The following PEAK1 variants were observed in gnomAD, a reference collection of about 807,000 sequenced individuals.
PEAK1 encodes the protein inactive tyrosine-protein kinase PEAK1.
In PEAK1, 54 loss-of-function variants were observed where a neutral mutation model predicts 124.7. That is an observed-to-expected ratio of 0.43 (90% CI 0.35 to 0.54). The LOEUF is 0.54. Ranked by LOEUF, PEAK1 falls within the 20% of genes least tolerant of loss-of-function variation. The pLI is 0.01. For missense variants in PEAK1, 2,046 were observed against 2,134.5 expected (o/e 0.96, Z 0.82); for synonymous variants, 719 against 760.0 (o/e 0.95, Z 0.89).
chr15:77,271,468 G>T (rs1242657575), intron 5 of PEAK1, among the ~76,000 whole-genome samples: 1 of 152,108 alleles, frequency 6.6e-6, no homozygotes, highest in African/African-American at 2.4e-5. Context: ...CTGCTATAAA[G>T]ACACATGCAT....
In PEAK1 at chr15:77,114,050, T is replaced by C; in HGVS notation, c.*106A>G. On this transcript the variant is annotated 3_prime_UTR_variant, in exon 10 of 10. Coordinates refer to ENST00000682557, the MANE Select transcript of PEAK1 (RefSeq NM_001385026.1). Reference sequence around the variant, plus strand: ...ACTTGTTCACGGACAGGGATAGAGGTTTGCCTTTCTTCTTTCCTTGAATTT... The same window carrying C: ...ACTTGTTCACGGACAGGGATAGAGGCTTGCCTTTCTTCTTTCCTTGAATTT... 8.2e-7 allele frequency: 1 copy of C among 1,224,124 alleles called. No homozygotes were observed. The highest frequency in any genetic ancestry group is 1.2e-6 in the Non-Finnish European group (1 of 854,798). 75.8% of individuals were successfully genotyped at this position (1,224,124 alleles called of 1,614,324 possible).
chr15:77,223,468 A>G (rs1437927813), intron 6 of PEAK1, among the ~76,000 whole-genome samples: 1 of 152,078 alleles, frequency 6.6e-6, no homozygotes, highest in Non-Finnish European at 1.5e-5. Context: ...GGTTTTCCAC[A>G]TGATTTAACT....
intron 2 of PEAK1, chr15:77,350,987 T>C (rs2067174011): frequency 1.0e-6 from 1 of 960,758 alleles, no homozygotes; most frequent in South Asian, 4.8e-5. Flanking sequence ...TATTAAGCAC[T>C]ATTGTGTACT....
Position 77,120,360 on chromosome 15 carries a change from C to G in PEAK1, c.4078-5041G>C, listed in dbSNP as rs183864536. Reference sequence around the variant, plus strand: ...GATTTCTTCCCATATATGTCCTAACCCATAGATTACTTAAACTCAACATAA... The same window carrying G: ...GATTTCTTCCCATATATGTCCTAACGCATAGATTACTTAAACTCAACATAA... On this transcript the variant is annotated intron_variant, in intron 9 of 9. Coordinates refer to ENST00000682557, the MANE Select transcript of PEAK1 (RefSeq NM_001385026.1). Among the ~76,000 whole-genome samples, 99 of 152,232 alleles carry G rather than the reference C, an allele frequency of 6.5e-4. 1 individual carries two copies. The highest frequency in any genetic ancestry group is 2.3e-3 in the African/African-American group (96 of 41,556).
intron 2 of PEAK1, among the ~76,000 whole-genome samples, chr15:77,299,074 A>C (rs948584549): frequency 6.6e-6 from 1 of 152,132 alleles, no homozygotes. Flanking sequence ...ATAACTACCA[A>C]ATCTCACCCA....
At chr15:77,342,333 G>C (rs1287209036) in intron 2 of PEAK1, among the ~76,000 whole-genome samples, 2 of 151,122 alleles carry the variant, frequency 1.3e-5, no homozygotes, top group Non-Finnish European at 2.9e-5. Flanking sequence ...TTCAGCCCCT[G>C]GTATTCTACT....
chr15:77,355,629 A>G (rs1378651303), intron 2 of PEAK1: 1 of 360,634 alleles, frequency 2.8e-6, no homozygotes, highest in African/African-American at 2.2e-5. Context: ...GCCAGCTCAC[A>G]CCTCTATATG....
chr15:77,178,004 C>T (rs759270967), intron 7 of PEAK1: 2 of 152,010 alleles, frequency 1.3e-5, no homozygotes, highest in Non-Finnish European at 2.9e-5. Context: ...CTTAACTTCC[C>T]GGGTTTTCAG....
At chr15:77,266,419 C>T (rs2061735747) in intron 5 of PEAK1, among the ~76,000 whole-genome samples, 1 of 152,124 alleles carries the variant, frequency 6.6e-6, no homozygotes, top group Admixed American at 6.6e-5. Flanking sequence ...CCAAGTGTCA[C>T]TGGAGGATGA....
At chr15:77,359,590 CAAAT>C (rs1216500481) in intron 2 of PEAK1, among the ~76,000 whole-genome samples, 4 of 151,986 alleles carry the variant, frequency 2.6e-5, no homozygotes, top group Non-Finnish European at 1.5e-5. Context: ...TTACAATTAA[CAAAT>C]AAGTTCAGCA....
intron 8 of PEAK1, among the ~76,000 whole-genome samples, chr15:77,145,774 A>G (rs945964342): frequency 5.3e-5 from 8 of 152,200 alleles, no homozygotes; most frequent in African/African-American, 1.9e-4. Context: ...AAAGGCTTTC[A>G]TTAAACCTTT....
chr15:77,296,786 A>G (rs1055166255), intron 2 of PEAK1, among the ~76,000 whole-genome samples: 8 of 151,744 alleles, frequency 5.3e-5, no homozygotes, highest in Admixed American at 4.6e-4. Flanking sequence ...TCATGTTTAA[A>G]GAGGCCCATA....
At chr15:77,191,636 T>C (rs1446966441) in intron 6 of PEAK1, among the ~76,000 whole-genome samples, 1 of 152,232 alleles carries the variant, frequency 6.6e-6, no homozygotes, top group Non-Finnish European at 1.5e-5. Flanking sequence ...GTGTTTTGCA[T>C]CAATTTCAAG....
In PEAK1 at chr15:77,418,854, C is replaced by A. The variant is rs530895320; in HGVS notation, c.-666+1152G>T. ...GAAAAAAAAAGACGCTGTGGCTGAA[C>A]AAAAATCAGTAAGTAGGCCCCAAAA... On this transcript the variant is annotated intron_variant, in intron 1 of 9. Transcript: ENST00000682557. 2.1e-4 allele frequency: 204 copies of A among 985,294 alleles called. 1 individual carries two copies. In the African/African-American group the frequency reaches 3.1e-3, roughly 15 times the overall value. The allele number at this position is 985,294 out of a possible 1,614,324, so 61.0% of individuals were successfully genotyped here.
chr15:77,392,016 CAA>C, intron 1 of PEAK1, among the ~76,000 whole-genome samples: 1 of 152,238 alleles, frequency 6.6e-6, no homozygotes, highest in East Asian at 1.9e-4. Context: ...CACCAAAGTG[CAA>C]AACTATGATC....
intron 6 of PEAK1, among the ~76,000 whole-genome samples, chr15:77,234,552 C>T (rs2060034314): frequency 1.3e-5 from 2 of 152,036 alleles, no homozygotes; most frequent in Admixed American, 6.6e-5. Context: ...GTCCCATTAC[C>T]CAGAAAGAAA....
At chr15:77,129,518 C>T (rs1438531005) in intron 9 of PEAK1, among the ~76,000 whole-genome samples, 1 of 151,514 alleles carries the variant, frequency 6.6e-6, no homozygotes, top group Non-Finnish European at 1.5e-5. Flanking sequence ...TTACTGCAAC[C>T]TCCGCCTCCT....
At chr15:77,405,180 T>G (rs1210154485) in intron 1 of PEAK1, among the ~76,000 whole-genome samples, 2 of 152,108 alleles carry the variant, frequency 1.3e-5, no homozygotes, top group Middle Eastern at 3.4e-3. Flanking sequence ...TAAGTTTTTG[T>G]GTTTTAGTAG....
At chr15:77,239,097 G>C (rs75180043) in intron 6 of PEAK1, among the ~76,000 whole-genome samples, 1 of 152,200 alleles carries the variant, frequency 6.6e-6, no homozygotes, top group Non-Finnish European at 1.5e-5. Flanking sequence ...GTAGCAAGGA[G>C]AGGTTGCAGC....
Sources: gnomAD v4.1 joint callset for allele counts (sites outside exome capture counted in the v4.1 genomes callset) on GRCh38, gnomAD v4.1.1 for gene constraint, MANE v1.5 for transcripts, NCBI Gene and HGNC (gene_info 2026-07-23, HGNC 2026-07-21) for gene names.